CR1: variants seen among roughly 807,000 people sequenced by gnomAD.
CR1 encodes complement receptor type 1.
Under a neutral mutation model 187.3 loss-of-function variants are expected in CR1, and 116 were observed. The ratio of observed to expected loss-of-function variants is 0.62; its 90% CI spans 0.53 to 0.72. CR1 has a LOEUF of 0.72. Among genes scored for constraint, CR1 ranks in the 30% least tolerant of loss-of-function variants. CR1 has a pLI of 0.00. For synonymous variants in CR1, 576 were observed against 747.1 expected (o/e 0.77, Z 3.73); for missense variants, 1,731 against 2,110.7 (o/e 0.82, Z 3.52).
chr1:207,575,808 T>C, intron 28 of CR1, 128 bp downstream of exon 28: 5 of 1,464,984 alleles, frequency 3.4e-6, no homozygotes, highest in Non-Finnish European at 4.7e-6. Flanking sequence ...AATCTAGTCA[T>C]ATCCTTAAAA....
At chr1:207,511,722 A>C in intron 4 of CR1, 68 bp downstream of exon 4, 3 of 1,462,834 alleles carry the variant, frequency 2.1e-6, no homozygotes, top group Non-Finnish European at 2.9e-6. Flanking sequence ...AATAATAAAA[A>C]TCTTAACTGA....
intron 1 of CR1, among the ~76,000 whole-genome samples, chr1:207,498,134 C>G (rs1409121637): frequency 4.6e-5 from 7 of 152,218 alleles, no homozygotes. Context: ...ATGAGCACAA[C>G]TGACATCCTG....
intron 45 of CR1, among the ~76,000 whole-genome samples, chr1:207,628,242 C>A (rs1427703508): frequency 6.6e-6 from 1 of 152,162 alleles, no homozygotes; most frequent in Non-Finnish European, 1.5e-5. Flanking sequence ...TTACTACTAT[C>A]TCCTGCCTTC....
rs1325918800 is a variant in CR1 at position 207,639,397 on chromosome 1, G to T, written c.7458G>T (p.Arg2486Ser). The T allele has an allele frequency of 1.3e-6, 2 of 1,599,020 alleles. No homozygotes were observed. Among genetic ancestry groups the T allele is most frequent in the Non-Finnish European group, 1.7e-6 (2 of 1,171,824 alleles). The change falls in exon 47 of 47, where the codon AGG becomes AGT. Residue 2486 changes from arginine (R) to serine (S), a missense_variant and splice_region_variant. Coordinates refer to ENST00000367049, the MANE Select transcript of CR1 (RefSeq NM_000651.6). ...AAATGAAAACATCCTGTTATTTCAG[G>T]GTCCTTCCTTGACAAAGTACTATAC... is the stretch of plus-strand genomic sequence containing the variant. ...RTLQTNEENSRVLP is the reference protein window; with the variant it reads ...RTLQTNEENSSVLP
At chr1:207,524,864 A>C (rs1660119619) in intron 5 of CR1, among the ~76,000 whole-genome samples, 3 of 151,944 alleles carry the variant, frequency 2.0e-5, no homozygotes. Context: ...GAGGGATTTC[A>C]TGCAGGTTGT....
chr1:207,509,460 C>G (rs1659550748), intron 3 of CR1, among the ~76,000 whole-genome samples: 1 of 152,210 alleles, frequency 6.6e-6, no homozygotes, highest in African/African-American at 2.4e-5. Context: ...TCCAAACATT[C>G]TGAATGAGAA....
rs1662413048 is a variant in CR1 at position 207,624,206 on chromosome 1, G to A, written c.7352+1138G>A. ...CTCCCAAAGTGCTGGGATTACAGGT[G>A]TGAGCCACTGGGCCCAGCCATCATT... On this transcript the variant is annotated intron_variant, in intron 45 of 46. Transcript: ENST00000367049. Among the ~76,000 whole-genome samples the A allele has an allele frequency of 2.0e-5, 3 of 152,004 alleles. No individual in the cohort carries two copies. In the South Asian group the frequency reaches 6.2e-4, roughly 32 times the overall value.
intron 24 of CR1, 134 bp from the exon 25 acceptor site, chr1:207,567,690 A>G (rs1174465059): frequency 3.9e-6 from 5 of 1,270,474 alleles, no homozygotes; most frequent in Admixed American, 2.2e-5. Flanking sequence ...ATTTAATCCA[A>G]CTCTTCAAAG....
chr1:207,635,425 A>T (rs1662783137), intron 46 of CR1, among the ~76,000 whole-genome samples: 1 of 152,160 alleles, frequency 6.6e-6, no homozygotes, highest in Admixed American at 6.5e-5. Flanking sequence ...TGTGCTTTAG[A>T]TATGTATACA....
At chr1:207,509,838 A>T (rs1007874839) in intron 3 of CR1, among the ~76,000 whole-genome samples, 1 of 152,210 alleles carries the variant, frequency 6.6e-6, no homozygotes. Flanking sequence ...TCATTTGTTC[A>T]CATACTTCAT....
chr1:207,631,228 C>T (rs1436180835), intron 46 of CR1, among the ~76,000 whole-genome samples: 1 of 152,196 alleles, frequency 6.6e-6, no homozygotes, highest in Non-Finnish European at 1.5e-5. Flanking sequence ...ATACCATTAT[C>T]AAAAGTGGTA....
chr1:207,635,661 C>G (rs187996349), intron 46 of CR1, among the ~76,000 whole-genome samples: 3 of 152,162 alleles, frequency 2.0e-5, no homozygotes, highest in African/African-American at 7.2e-5. Context: ...AGACCCTTTA[C>G]GGGTGTCAGG....
At chr1:207,578,265 G>C (rs1323592749) in intron 29 of CR1, 62 bp downstream of exon 29, 33 of 1,611,492 alleles carry the variant, frequency 2.0e-5, no homozygotes, top group Non-Finnish European at 2.5e-5. Flanking sequence ...TGGATCAGGA[G>C]ATGAGTATTT....
chr1:207,625,693 G>A (rs1052482341), intron 45 of CR1, among the ~76,000 whole-genome samples: 18 of 152,108 alleles, frequency 1.2e-4, no homozygotes, highest in African/African-American at 4.3e-4. Flanking sequence ...GCTAGGGAAT[G>A]GGTACTACTG....
intron 45 of CR1, among the ~76,000 whole-genome samples, chr1:207,624,348 A>C (rs1662417020): frequency 6.6e-6 from 1 of 152,148 alleles, no homozygotes; most frequent in Non-Finnish European, 1.5e-5. Context: ...AATTATAACA[A>C]CCTCAATGAG....
At chr1:207,633,626 T>C (rs1182996638) in intron 46 of CR1, among the ~76,000 whole-genome samples, 1 of 152,262 alleles carries the variant, frequency 6.6e-6, no homozygotes, top group East Asian at 1.9e-4. Flanking sequence ...TGTGTTTTCT[T>C]TTCCATGCTA....
At position 207,506,408 on chromosome 1, in the gene CR1, A is replaced by T. The variant is rs187194004; in HGVS notation, c.302-306A>T. 1.6e-3 allele frequency among the ~76,000 whole-genome samples: 248 copies of T among 152,358 alleles called. 1 individual carries two copies. Among genetic ancestry groups the T allele is most frequent in the African/African-American group, 5.7e-3 (238 of 41,572 alleles). On this transcript the variant is annotated intron_variant, in intron 2 of 46. Coordinates refer to ENST00000367049, the MANE Select transcript of CR1 (RefSeq NM_000651.6). ...GAGAAGTGGATTAAATAACTAAAAG[A>T]TGTGACAATCTTGGGCTTTGAGATC...
Position 207,630,527 on chromosome 1 carries a change from C to A in CR1, c.7363C>A (p.His2455Asn), listed in dbSNP as rs765764363. 1.2e-6 allele frequency: 2 copies of A among 1,602,636 alleles called. No homozygotes were observed. Among genetic ancestry groups the A allele is most frequent in the Admixed American group, 1.7e-5 (1 of 58,070 alleles). Reference protein sequence around the residue: ...ILKHRKGNNAHENPKEVAIHL... With the variant: ...ILKHRKGNNANENPKEVAIHL... Reference sequence around the variant, plus strand: ...TTCTCTGCCAATTAGCAATAATGCACATGAAAACCCTAAAGAAGTGGCTAT... The same window carrying A: ...TTCTCTGCCAATTAGCAATAATGCAAATGAAAACCCTAAAGAAGTGGCTAT... Residue 2455 changes from histidine (H) to asparagine (N), a missense_variant, in exon 46 of 47, where the codon CAT (histidine) becomes AAT (asparagine). His to Asn is a moderately conservative substitution (Grantham distance 68, BLOSUM62 1). Around this residue, in one of 5 missense-constraint regions of CR1, gnomAD observed 1,312 missense variants for 1,379.6 expected, o/e 0.95. Transcript: ENST00000367049.
intron 35 of CR1, among the ~76,000 whole-genome samples, chr1:207,602,393 A>G (rs903438240): frequency 3.3e-5 from 5 of 152,160 alleles, no homozygotes; most frequent in Admixed American, 6.6e-5. Context: ...TAAATTGACT[A>G]TTAAATAAAA....
Sources: allele counts gnomAD v4.1 joint callset (sites outside exome capture counted in the v4.1 genomes callset), GRCh38; gene constraint gnomAD v4.1.1; regional missense constraint gnomAD v4.1.1; transcripts MANE v1.5; gene names NCBI Gene and HGNC (gene_info 2026-07-23, HGNC 2026-07-21).